AKT3: variants seen among roughly 807,000 people sequenced by gnomAD.
AKT3 encodes AKT serine/threonine kinase 3.
In AKT3, 15 loss-of-function variants were observed where a neutral mutation model predicts 65.3. That is an observed-to-expected ratio of 0.23 (90% CI 0.15 to 0.35). The LOEUF is 0.35. Among genes scored for constraint, AKT3 ranks in the 10% least tolerant of loss-of-function variants. AKT3 has a pLI of 1.00. For missense variants in AKT3, 243 were observed against 576.5 expected (o/e 0.42, Z 5.92); for synonymous variants, 206 against 183.8 (o/e 1.12, Z -0.98).
Position 243,790,556 on chromosome 1 carries a change from A to G in AKT3, c.46+52569T>C, listed in dbSNP as rs187581700. 8.5e-5 allele frequency among the ~76,000 whole-genome samples: 13 copies of G among 152,306 alleles called. No homozygotes were observed. In the East Asian group the frequency reaches 2.5e-3, roughly 29 times the overall value. ...CTCAAACTTTCTCCTTATCAGCAAT[A>G]CGGCTGTTTCGCTTTCTTATCATTC... On this transcript the variant is annotated intron_variant, in intron 2 of 13. Transcript: ENST00000673466.
chr1:243,727,986 A>T (rs1687317919), intron 2 of AKT3, among the ~76,000 whole-genome samples: 1 of 152,230 alleles, frequency 6.6e-6, no homozygotes, highest in Non-Finnish European at 1.5e-5. Context: ...TAAGAGCTTG[A>T]AGTAGTATGT....
intron 6 of AKT3, among the ~76,000 whole-genome samples, chr1:243,636,982 T>C (rs1680021253): frequency 6.6e-6 from 1 of 152,158 alleles, no homozygotes; most frequent in African/African-American, 2.4e-5. Context: ...CAGTAATTTA[T>C]GTCATTTGTT....
At chr1:243,546,673 A>T (rs926303212) in intron 11 of AKT3, 1 of 152,132 alleles carries the variant, frequency 6.6e-6, no homozygotes, top group Non-Finnish European at 1.5e-5. Flanking sequence ...GCTGGGACCA[A>T]ACCTTGCCTG....
intron 2 of AKT3, among the ~76,000 whole-genome samples, chr1:243,794,744 T>C (rs2148346791): frequency 6.6e-6 from 1 of 152,308 alleles, no homozygotes; most frequent in East Asian, 1.9e-4. Context: ...CAGCTTCAAC[T>C]GGGAGAGAGC....
At chr1:243,652,771 C>A (rs377040854) in intron 4 of AKT3, among the ~76,000 whole-genome samples, 193 of 31,258 alleles carry the variant, frequency 6.2e-3, no homozygotes, top group South Asian at 0.02. Context: ...AAATAGAAAG[C>A]AAAAAAAAAA....
chr1:243,639,756 T>A (rs976519448), intron 5 of AKT3, among the ~76,000 whole-genome samples: 1 of 152,074 alleles, frequency 6.6e-6, no homozygotes, highest in African/African-American at 2.4e-5. Context: ...ACCACAAAAA[T>A]AGCCAACCAG....
At chr1:243,790,375 T>C (rs1482531095) in intron 2 of AKT3, among the ~76,000 whole-genome samples, 2 of 152,348 alleles carry the variant, frequency 1.3e-5, no homozygotes, top group East Asian at 3.9e-4. Flanking sequence ...AGACGGCTTC[T>C]TTCCTTAAAC....
chr1:243,545,333 G>A (rs1650965695), intron 12 of AKT3, among the ~76,000 whole-genome samples, 177 bp downstream of exon 12: 1 of 152,074 alleles, frequency 6.6e-6, no homozygotes, highest in South Asian at 2.1e-4. Flanking sequence ...AGGCATTTGG[G>A]GAGTCAAAAT....
intron 10 of AKT3, among the ~76,000 whole-genome samples, chr1:243,555,429 T>C (rs540181971): frequency 6.6e-6 from 1 of 152,292 alleles, no homozygotes; most frequent in African/African-American, 2.4e-5. Flanking sequence ...CAAAACACAA[T>C]ACTTTCAAAT....
downstream of AKT3, among the ~76,000 whole-genome samples, chr1:243,495,319 C>T (rs934353696): frequency 5.3e-5 from 8 of 152,324 alleles, no homozygotes; most frequent in Non-Finnish European, 7.3e-5. Context: ...GTCTGCAAGG[C>T]GGCCTTCTCT....
intron 4 of AKT3, among the ~76,000 whole-genome samples, chr1:243,655,078 C>T (rs368071790): frequency 5.9e-5 from 9 of 152,098 alleles, no homozygotes; most frequent in South Asian, 4.1e-4. Context: ...ACATGCTCAC[C>T]GCATTGTTTT....
intron 2 of AKT3, among the ~76,000 whole-genome samples, chr1:243,698,409 A>T (rs1233109416): frequency 3.3e-5 from 5 of 152,100 alleles, no homozygotes; most frequent in Non-Finnish European, 7.4e-5. Flanking sequence ...TATTCAAGAA[A>T]TGTAAAATTA....
chr1:243,821,013 A>G (rs1693825132), intron 2 of AKT3, among the ~76,000 whole-genome samples: 1 of 152,172 alleles, frequency 6.6e-6, no homozygotes, highest in African/African-American at 2.4e-5. Context: ...CTCAAAGAAA[A>G]AAGGTTAAAA....
intron 2 of AKT3, among the ~76,000 whole-genome samples, chr1:243,738,960 C>T (rs1687991426): frequency 6.6e-6 from 1 of 152,112 alleles, no homozygotes; most frequent in Non-Finnish European, 1.5e-5. Context: ...TGGAGGCTCC[C>T]TTTTCCTTCT....
intron 4 of AKT3, among the ~76,000 whole-genome samples, chr1:243,660,053 T>C (rs1056065346): frequency 6.6e-6 from 1 of 152,016 alleles, no homozygotes; most frequent in African/African-American, 2.4e-5. Context: ...TCAGAAGGAA[T>C]GGTACCAGTT....
chr1:243,549,650 C>T (rs1035791953), intron 11 of AKT3, among the ~76,000 whole-genome samples: 1 of 151,940 alleles, frequency 6.6e-6, no homozygotes, highest in African/African-American at 2.4e-5. Flanking sequence ...GTCTTGAACT[C>T]CCGACCTCAA....
chr1:243,812,645 T>C (rs1572393301), intron 2 of AKT3, among the ~76,000 whole-genome samples: 1 of 152,234 alleles, frequency 6.6e-6, no homozygotes, highest in Non-Finnish European at 1.5e-5. Context: ...AGAAATACCA[T>C]TTGACCCAGC....
chr1:243,662,274 C>T (rs943997896), intron 4 of AKT3, among the ~76,000 whole-genome samples: 1 of 151,962 alleles, frequency 6.6e-6, no homozygotes, highest in African/African-American at 2.4e-5. Context: ...TATTGTGGCA[C>T]TATTCACAAT....
intron 9 of AKT3, among the ~76,000 whole-genome samples, chr1:243,564,952 A>C (rs1315869987): frequency 2.6e-5 from 4 of 152,212 alleles, no homozygotes; most frequent in Non-Finnish European, 5.9e-5. Context: ...ACTTTAGAAC[A>C]TAAACATATC....
Sources: gnomAD v4.1 joint callset for allele counts (sites outside exome capture counted in the v4.1 genomes callset) on GRCh38, gnomAD v4.1.1 for gene constraint, MANE v1.5 for transcripts, NCBI Gene and HGNC (gene_info 2026-07-23, HGNC 2026-07-21) for gene names.